ARHGAP8: variants seen among roughly 807,000 people sequenced by gnomAD.
ARHGAP8 encodes the protein Rho GTPase activating protein 8.
In ARHGAP8, 62 loss-of-function variants were observed where a neutral mutation model predicts 46.1. That is an observed-to-expected ratio of 1.34 (90% CI 1.10 to 1.66). ARHGAP8 has a LOEUF of 1.66. Ranked by LOEUF, ARHGAP8 falls within the 40% of genes most tolerant of loss-of-function variation. The pLI is 0.00. For missense variants in ARHGAP8, 923 were observed against 568.4 expected (o/e 1.62, Z -6.34); for synonymous variants, 375 against 243.1 (o/e 1.54, Z -5.05).
At position 44,825,622 on chromosome 22, in the gene ARHGAP8, T is replaced by A. The variant is rs375529766; in HGVS notation, c.596+29T>A. 2.4e-5 allele frequency: 39 copies of A among 1,597,058 alleles called. No homozygotes were observed. The South Asian group carries it at 4.1e-4, about 17-fold the overall frequency. ...AGTGAGCCGGGGATGTGCCTGCTCC[T>A]ATGCCCTGGAGCCCTGGGAGCTGTG... On this transcript the variant is annotated intron_variant, in intron 7 of 11. Transcript: ENST00000356099.
chr22:44,850,259 C>A (rs1403176268), intron 10 of ARHGAP8: 1 of 152,206 alleles, frequency 6.6e-6, no homozygotes, highest in Non-Finnish European at 1.5e-5. Flanking sequence ...CCTGGAAGAC[C>A]ATGAAAGATG....
chr22:44,780,903 A>G (rs1199287566), intron 1 of ARHGAP8, among the ~76,000 whole-genome samples: 2 of 152,130 alleles, frequency 1.3e-5, no homozygotes, highest in Non-Finnish European at 2.9e-5. Context: ...TCTGTTTCCC[A>G]TTTTACAGAA....
chr22:44,762,350 C>G (rs1925191727), intron 1 of ARHGAP8, among the ~76,000 whole-genome samples: 1 of 151,946 alleles, frequency 6.6e-6, no homozygotes, highest in East Asian at 1.9e-4. Context: ...GTGGGAGGAT[C>G]GCTTGAGCCC....
At chr22:44,827,640 G>T (rs1334636719) in intron 7 of ARHGAP8, among the ~76,000 whole-genome samples, 1 of 152,062 alleles carries the variant, frequency 6.6e-6, no homozygotes, top group East Asian at 1.9e-4. Context: ...ACCTCGCCTG[G>T]CCCATTTGTG....
chr22:44,857,329 G>A (rs1203100811), intron 10 of ARHGAP8, among the ~76,000 whole-genome samples: 1 of 152,118 alleles, frequency 6.6e-6, no homozygotes. Context: ...TCCAGCCAAG[G>A]GTACCTCATC....
intron 1 of ARHGAP8, among the ~76,000 whole-genome samples, chr22:44,761,578 G>C (rs181055281): frequency 2.6e-5 from 4 of 152,260 alleles, no homozygotes; most frequent in Admixed American, 1.3e-4. Flanking sequence ...TATCTGCCAG[G>C]AGTCCTGGAA....
intron 1 of ARHGAP8, among the ~76,000 whole-genome samples, chr22:44,778,628 G>A (rs558319470): frequency 6.6e-6 from 1 of 152,166 alleles, no homozygotes; most frequent in Non-Finnish European, 1.5e-5. Flanking sequence ...GGTTGTGCTA[G>A]TTTATATTCC....
intron 10 of ARHGAP8, among the ~76,000 whole-genome samples, chr22:44,857,749 C>A (rs73422293): frequency 2.0e-5 from 3 of 152,100 alleles, no homozygotes; most frequent in African/African-American, 4.8e-5. Context: ...GAGGCCCAGC[C>A]TCCCACATGC....
At chr22:44,856,609 G>C (rs1439829194) in intron 10 of ARHGAP8, among the ~76,000 whole-genome samples, 1 of 113,092 alleles carries the variant, frequency 8.8e-6, no homozygotes, top group African/African-American at 4.4e-5. Flanking sequence ...ACCATTGGCT[G>C]TTCCCCCAGG....
chr22:44,846,395 G>A (rs2069956792), intron 8 of ARHGAP8, among the ~76,000 whole-genome samples: 1 of 152,214 alleles, frequency 6.6e-6, no homozygotes, highest in Non-Finnish European at 1.5e-5. Flanking sequence ...AGGGTGCCCA[G>A]GAAATGTGCT....
chr22:44,753,637 TCCC>T (rs1569127972), intron 1 of ARHGAP8, among the ~76,000 whole-genome samples: 1 of 151,166 alleles, frequency 6.6e-6, no homozygotes, highest in East Asian at 2.0e-4. Context: ...CTCCTGAGAA[TCCC>T]TCGGGCTCTG....
At chr22:44,792,820 GT>G (rs1485261330) in intron 2 of ARHGAP8, among the ~76,000 whole-genome samples, 12 of 119,986 alleles carry the variant, frequency 1.0e-4, no homozygotes, top group East Asian at 5.3e-4. Flanking sequence ...GGTTTTTTTT[GT>G]TTTTTTGGTT....
intron 1 of ARHGAP8, among the ~76,000 whole-genome samples, chr22:44,782,593 T>G (rs2147038719): frequency 6.6e-6 from 1 of 152,114 alleles, no homozygotes; most frequent in African/African-American, 2.4e-5. Context: ...GATCATACCG[T>G]GTGTGCTTTT....
At chr22:44,836,651 G>A (rs1010600308) in intron 7 of ARHGAP8, among the ~76,000 whole-genome samples, 1 of 151,532 alleles carries the variant, frequency 6.6e-6, no homozygotes, top group Non-Finnish European at 1.5e-5. Flanking sequence ...GGCTGACTCT[G>A]TGACTGAGAA....
chr22:44,860,637 C>A (rs910556772), intron 11 of ARHGAP8, among the ~76,000 whole-genome samples: 4 of 79,752 alleles, frequency 5.0e-5, no homozygotes, highest in African/African-American at 2.2e-4. Context: ...ATTCAATCTA[C>A]TACACACCAG....
intron 7 of ARHGAP8, among the ~76,000 whole-genome samples, chr22:44,834,360 T>C (rs1569169824): frequency 2.0e-5 from 3 of 152,134 alleles, no homozygotes; most frequent in Non-Finnish European, 4.4e-5. Flanking sequence ...TATTTTCTAA[T>C]TTATCTTGTA....
rs377368059 is a variant in ARHGAP8 at position 44,859,695 on chromosome 22, C to T, written c.878-36C>T. 2.0e-4 allele frequency: 320 copies of T among 1,607,710 alleles called. No individual in the cohort carries two copies. In the African/African-American group the frequency reaches 3.5e-3, roughly 17 times the overall value. ...CGGGATGCAGCGCTGCCCCTGGCCC[C>T]TCTGGAGCTCAGCAGGGAGCCCCAT... On this transcript the variant is annotated intron_variant, in intron 10 of 11. Coordinates refer to ENST00000356099, the MANE Select transcript of ARHGAP8 (RefSeq NM_181335.3).
chr22:44,798,712 AG>A (rs1412363930), intron 2 of ARHGAP8, among the ~76,000 whole-genome samples: 2 of 151,996 alleles, frequency 1.3e-5, no homozygotes, highest in Non-Finnish European at 2.9e-5. Flanking sequence ...TGTCCAGGGC[AG>A]CCCCCACCGT....
At chr22:44,831,726 T>C (rs1032208610) in intron 7 of ARHGAP8, among the ~76,000 whole-genome samples, 5 of 152,072 alleles carry the variant, frequency 3.3e-5, no homozygotes, top group Non-Finnish European at 7.4e-5. Flanking sequence ...ATACTTTTCT[T>C]TCCCCCATTC....
Sources: allele counts gnomAD v4.1 joint callset (sites outside exome capture counted in the v4.1 genomes callset), GRCh38; gene constraint gnomAD v4.1.1; transcripts MANE v1.5; gene names NCBI Gene and HGNC (gene_info 2026-07-23, HGNC 2026-07-21).